The following RAP1A variants were observed in gnomAD, a reference collection of about 807,000 sequenced individuals.
The protein encoded by RAP1A is ras-related protein Rap-1A.
RAP1A carries 6 observed loss-of-function variants against 26.4 expected under a neutral mutation model. That is an observed-to-expected ratio of 0.23 (90% CI 0.12 to 0.45). RAP1A has a LOEUF of 0.45. Ranked by LOEUF, RAP1A falls within the 20% of genes least tolerant of loss-of-function variation. The pLI, the probability that RAP1A is intolerant of heterozygous loss-of-function variation, is 0.99. For synonymous variants in RAP1A, 73 were observed against 79.4 expected, an observed-to-expected ratio of 0.92 and a Z score of 0.43; for missense variants, 121 against 217.2, an observed-to-expected ratio of 0.56 and a Z score of 2.78.
intron 1 of RAP1A, chr1:111,627,668 G>A (rs1297748481): frequency 1.3e-5 from 2 of 151,508 alleles, no homozygotes; most frequent in Non-Finnish European, 2.9e-5. Context: ...CCATCATAGT[G>A]TATGAAAGAA....
In RAP1A at chr1:111,669,227, G is replaced by T. The variant is rs1053225144; in HGVS notation, c.-27-22107G>T. Among the ~76,000 whole-genome samples the T allele has an allele frequency of 2.0e-5, 3 of 152,128 alleles. No homozygotes were observed. The East Asian group carries it at 5.8e-4, about 29-fold the overall frequency. On this transcript the variant is annotated intron_variant, in intron 1 of 7. Coordinates refer to ENST00000369709, the MANE Select transcript of RAP1A (RefSeq NM_002884.4). ...TGGACAACCATAGCCTAAATTGCTA[G>T]TTTTCCCTGATACCATTCTGTGTCT...
intron 1 of RAP1A, among the ~76,000 whole-genome samples, chr1:111,623,972 A>G (rs1433957319): frequency 6.6e-6 from 1 of 152,212 alleles, no homozygotes; most frequent in African/African-American, 2.4e-5. Flanking sequence ...GATCACTTCT[A>G]ATCTCGTGAT....
intron 1 of RAP1A, among the ~76,000 whole-genome samples, chr1:111,545,455 T>C (rs748501679): frequency 6.6e-6 from 1 of 152,154 alleles, no homozygotes; most frequent in Non-Finnish European, 1.5e-5. Context: ...CCTTTGCTCA[T>C]TTTTAAATTG....
At chr1:111,566,928 T>C (rs1162577483) in intron 1 of RAP1A, among the ~76,000 whole-genome samples, 2 of 150,866 alleles carry the variant, frequency 1.3e-5, no homozygotes, top group African/African-American at 2.4e-5. Context: ...TAATACCCAA[T>C]TATGAATTTA....
At chr1:111,678,156 T>C (rs997043772) in intron 1 of RAP1A, among the ~76,000 whole-genome samples, 14 of 152,360 alleles carry the variant, frequency 9.2e-5, no homozygotes, top group Admixed American at 9.1e-4. Context: ...AGTTATCTTG[T>C]CAGTTTCTAC....
intron 1 of RAP1A, among the ~76,000 whole-genome samples, chr1:111,690,244 A>T (rs776716613): frequency 6.6e-6 from 1 of 152,210 alleles, no homozygotes; most frequent in African/African-American, 2.4e-5. Flanking sequence ...TGAGGTTTCT[A>T]CTGAATTCCT....
chr1:111,602,554 G>A (rs1044632000), intron 1 of RAP1A, among the ~76,000 whole-genome samples: 1 of 152,040 alleles, frequency 6.6e-6, no homozygotes, highest in African/African-American at 2.4e-5. Context: ...TGGTGTGTTG[G>A]TTTATTTTTC....
chr1:111,699,463 C>CTTTTTTTTT (rs11435540), intron 4 of RAP1A, among the ~76,000 whole-genome samples: 2,801 of 123,916 alleles, frequency 0.023, 124 homozygotes, highest in African/African-American at 0.063. Flanking sequence ...CTCACTTCCT[C>CTTTTTTTTT]TTTTTTTTTT....
chr1:111,600,063 A>C (rs1455061765), intron 1 of RAP1A: 1 of 154,564 alleles, frequency 6.5e-6, no homozygotes, highest in African/African-American at 2.4e-5. Context: ...CCCTCACCAG[A>C]AGCAGATGCC....
At chr1:111,589,866 C>T (rs897953090) in intron 1 of RAP1A, among the ~76,000 whole-genome samples, 2 of 152,020 alleles carry the variant, frequency 1.3e-5, no homozygotes, top group Admixed American at 1.3e-4. Context: ...CTCAAGTGAT[C>T]CTTCCACCTC....
chr1:111,607,838 C>T (rs1658827316), intron 1 of RAP1A, among the ~76,000 whole-genome samples: 1 of 126,492 alleles, frequency 7.9e-6, no homozygotes, highest in Non-Finnish European at 1.7e-5. Flanking sequence ...CACCTCCCTC[C>T]CGGACGGGGC....
At chr1:111,596,381 C>T (rs990613861) in intron 1 of RAP1A, among the ~76,000 whole-genome samples, 10 of 152,130 alleles carry the variant, frequency 6.6e-5, no homozygotes, top group African/African-American at 1.9e-4. Flanking sequence ...ATCCTTGGGA[C>T]ATAGTATGGT....
At chr1:111,640,352 A>G (rs2101117724) in intron 1 of RAP1A, among the ~76,000 whole-genome samples, 1 of 152,318 alleles carries the variant, frequency 6.6e-6, no homozygotes, top group East Asian at 1.9e-4. Flanking sequence ...AAATGTTTTC[A>G]TTTTATTATT....
chr1:111,656,730 C>T (rs1326983359), intron 1 of RAP1A, among the ~76,000 whole-genome samples: 2 of 151,664 alleles, frequency 1.3e-5, no homozygotes, highest in Non-Finnish European at 2.9e-5. Flanking sequence ...CCCGCCACTG[C>T]CTCACTCACT....
chr1:111,567,979 T>C (rs1657961312), intron 1 of RAP1A, among the ~76,000 whole-genome samples: 2 of 152,300 alleles, frequency 1.3e-5, no homozygotes, highest in African/African-American at 2.4e-5. Context: ...ACATGGTCCA[T>C]TTCTCCCTAT....
At chr1:111,595,577 T>C (rs1226819685) in intron 1 of RAP1A, among the ~76,000 whole-genome samples, 4 of 152,236 alleles carry the variant, frequency 2.6e-5, no homozygotes, top group Non-Finnish European at 5.9e-5. Context: ...TAAAGGGTCA[T>C]ATTGTCTCTT....
intron 1 of RAP1A, among the ~76,000 whole-genome samples, chr1:111,657,191 C>T (rs992978366): frequency 2.6e-5 from 4 of 152,222 alleles, no homozygotes; most frequent in Non-Finnish European, 5.9e-5. Flanking sequence ...AAATCCATAA[C>T]TTTTGAGTGC....
rs1459298227 is a variant in RAP1A, at chr1:111,713,545, T to C, written c.*1144T>C. ...GTGTGAGTCCACCAATGAAGTGTTA[T>C]GTGAAAAATTTCAAACTTGCTTTAT... On this transcript the variant is annotated 3_prime_UTR_variant, in exon 8 of 8. Transcript: ENST00000369709. The C allele has an allele frequency of 2.0e-5, 3 of 152,222 alleles. No individual in the cohort carries two copies. Among genetic ancestry groups the C allele is most frequent in the African/African-American group, 7.2e-5 (3 of 41,458 alleles). 9.4% of individuals were successfully genotyped at this position (152,222 alleles called of 1,614,324 possible).
Position 111,704,378 on chromosome 1 carries a change from G to A in RAP1A, c.360G>A (p.Leu120=). 1 of 1,613,852 alleles carries A rather than the reference G, an allele frequency of 6.2e-7. No individual in the cohort carries two copies. Among genetic ancestry groups the A allele is most frequent in the Non-Finnish European group, 8.5e-7 (1 of 1,179,888 alleles). The part of the protein sequence containing the change: ...PMILVGNKCD[L]EDERVVGKEQ... ...TTTTGGTTGGCAATAAATGTGACCT[G>A]GAAGATGAGCGAGTAGTTGGCAAAG... The change falls in exon 6 of 8, where the codon CTG becomes CTA. Residue 120 remains leucine, a synonymous_variant. Coordinates refer to ENST00000369709, the MANE Select transcript of RAP1A (RefSeq NM_002884.4).
Sources: allele counts gnomAD v4.1 joint callset (sites outside exome capture counted in the v4.1 genomes callset), GRCh38; gene constraint gnomAD v4.1.1; transcripts MANE v1.5; gene names NCBI Gene and HGNC (gene_info 2026-07-23, HGNC 2026-07-21).